CSMD1: variants seen among roughly 807,000 people sequenced by gnomAD.
CSMD1 encodes CUB and Sushi multiple domains 1.
A neutral mutation model predicts 417.5 loss-of-function variants in CSMD1; 213 were observed. The observed-to-expected ratio is 0.51, with a 90% CI of 0.46 to 0.57. The LOEUF is 0.57. Ranked by LOEUF, CSMD1 falls within the 20% of genes least tolerant of loss-of-function variation. CSMD1 has a pLI of 0.00. For missense variants in CSMD1, 6,923 were observed against 4,529.7 expected (o/e 1.53, Z -15.17); for synonymous variants, 2,862 against 1,736.8 (o/e 1.65, Z -16.11).
chr8:3,369,461 A>G, intron 18 of CSMD1, 91 bp from the exon 19 acceptor site: 1 of 661,248 alleles, frequency 1.5e-6, no homozygotes, highest in Non-Finnish European at 2.7e-6. Context: ...CAATTTGCAC[A>G]AGGATTAACA....
chr8:3,285,753 C>G (rs1171205770), intron 25 of CSMD1, among the ~76,000 whole-genome samples: 4 of 151,860 alleles, frequency 2.6e-5, no homozygotes, highest in Non-Finnish European at 4.4e-5. Flanking sequence ...TTTGCCTCCA[C>G]TCCACCAAAT....
chr8:4,990,097 C>T (rs1242788361), intron 1 of CSMD1, among the ~76,000 whole-genome samples: 1 of 152,128 alleles, frequency 6.6e-6, no homozygotes, highest in Non-Finnish European at 1.5e-5. Context: ...GGGAATTCTA[C>T]CACCCTGCAC....
chr8:4,111,165 AG>A (rs1490269656), intron 3 of CSMD1, among the ~76,000 whole-genome samples: 1 of 152,146 alleles, frequency 6.6e-6, no homozygotes, highest in African/African-American at 2.4e-5. Context: ...CGGACAGAAA[AG>A]TTTCCCTGTT....
chr8:4,661,695 G>C (rs1049921577), intron 1 of CSMD1, among the ~76,000 whole-genome samples: 4 of 152,146 alleles, frequency 2.6e-5, no homozygotes, highest in Non-Finnish European at 5.9e-5. Flanking sequence ...TCATGGGAAT[G>C]TAAAAAAGTC....
chr8:4,238,491 T>A, intron 3 of CSMD1, among the ~76,000 whole-genome samples: 1 of 152,242 alleles, frequency 6.6e-6, no homozygotes, highest in Non-Finnish European at 1.5e-5. Flanking sequence ...AGGAGGCACA[T>A]TAAGAGGTGA....
chr8:4,336,928 A>T (rs922405639), intron 3 of CSMD1, among the ~76,000 whole-genome samples: 3 of 152,124 alleles, frequency 2.0e-5, no homozygotes, highest in Non-Finnish European at 4.4e-5. Context: ...AACAATACAG[A>T]AATTCTGTAG....
In CSMD1 at chr8:3,018,580, G is replaced by A. The variant is rs1360358662; in HGVS notation, c.7926C>T (p.Ala2642=). 2 of 1,613,144 alleles carry A rather than the reference G, an allele frequency of 1.2e-6. No individual in the cohort carries two copies. Among genetic ancestry groups the A allele is most frequent in the Non-Finnish European group, 1.7e-6 (2 of 1,179,720 alleles). Residue 2642 remains alanine (A), a synonymous_variant, in exon 52 of 70, where the codon GCC becomes GCT. Coordinates refer to ENST00000635120, the MANE Select transcript of CSMD1 (RefSeq NM_033225.6). ...CGGTGTTGCACGTAAATATAGCTGTGGCCCCATAAACTGTCAACGTTCCAA... is the reference window on the plus strand; with the variant it reads ...CGGTGTTGCACGTAAATATAGCTGTAGCCCCATAAACTGTCAACGTTCCAA... ...NKIGTLTVYG[A]TAIFTCNTGY...
chr8:3,578,762 C>G (rs77503331), intron 9 of CSMD1, among the ~76,000 whole-genome samples: 1 of 152,170 alleles, frequency 6.6e-6, no homozygotes. Context: ...TTCATAGCAT[C>G]CCTGGAGGCA....
intron 2 of CSMD1, among the ~76,000 whole-genome samples, chr8:4,435,559 T>C (rs533904549): frequency 6.6e-6 from 1 of 152,182 alleles, no homozygotes; most frequent in Non-Finnish European, 1.5e-5. Context: ...CATTTTCCTA[T>C]GGCTGTCATG....
At chr8:3,595,363 G>T (rs1364227772) in intron 8 of CSMD1, among the ~76,000 whole-genome samples, 1 of 152,152 alleles carries the variant, frequency 6.6e-6, no homozygotes, top group African/African-American at 2.4e-5. Flanking sequence ...TTACCCGTTT[G>T]ACTTTCACAC....
At chr8:3,341,861 T>A (rs571702621) in intron 23 of CSMD1, among the ~76,000 whole-genome samples, 1 of 152,136 alleles carries the variant, frequency 6.6e-6, no homozygotes, top group African/African-American at 2.4e-5. Context: ...GAAGCGGGGA[T>A]GAAGACATCC....
chr8:3,664,169 C>G (rs373190468), intron 7 of CSMD1, among the ~76,000 whole-genome samples: 1 of 152,116 alleles, frequency 6.6e-6, no homozygotes, highest in Admixed American at 6.5e-5. Context: ...TCCCCTAATA[C>G]TATCCCTACC....
At chr8:3,228,204 C>A (rs532510996) in intron 27 of CSMD1, among the ~76,000 whole-genome samples, 1 of 152,000 alleles carries the variant, frequency 6.6e-6, no homozygotes, top group African/African-American at 2.4e-5. Flanking sequence ...TATAAAATGT[C>A]TTCAGTAAAA....
chr8:3,124,047 G>C (rs1280813641), intron 41 of CSMD1, among the ~76,000 whole-genome samples: 3 of 152,096 alleles, frequency 2.0e-5, no homozygotes, highest in Non-Finnish European at 4.4e-5. Context: ...AAGATTCTAA[G>C]CCCAATGGCT....
chr8:4,931,545 G>A (rs548904514), intron 1 of CSMD1, among the ~76,000 whole-genome samples: 1 of 151,058 alleles, frequency 6.6e-6, no homozygotes, highest in African/African-American at 2.4e-5. Context: ...CTGCCTTGGA[G>A]GATCACCCAG....
Position 3,107,311 on chromosome 8 carries a change from G to C in CSMD1, c.6835+407C>G, listed in dbSNP as rs145950744. Among the ~76,000 whole-genome samples the C allele has an allele frequency of 3.9e-3, 588 of 152,276 alleles. 1 individual carries two copies. The highest frequency in any genetic ancestry group is 6.5e-3 in the Non-Finnish European group (443 of 68,026). ...ATCCCAGTTTCAATGAAATGTCACT[G>C]TTATGTAATCATCCTTTCAGCCGCA... On this transcript the variant is annotated intron_variant, in intron 45 of 69. Coordinates refer to ENST00000635120, the MANE Select transcript of CSMD1 (RefSeq NM_033225.6).
intron 1 of CSMD1, among the ~76,000 whole-genome samples, chr8:4,781,953 A>G (rs1038646739): frequency 4.6e-5 from 7 of 152,184 alleles, no homozygotes; most frequent in African/African-American, 1.7e-4. Context: ...AAAATATACA[A>G]ATGACAATAA....
At position 4,756,222 on chromosome 8, in the gene CSMD1, G is replaced by A. The variant is rs144812073; in HGVS notation, c.86-118664C>T. On this transcript the variant is annotated intron_variant, in intron 1 of 69. Coordinates refer to ENST00000635120, the MANE Select transcript of CSMD1 (RefSeq NM_033225.6). ...TATTTAACATCTAGCATAATATAGG[G>A]CATCATGATGATGAAATGGGTTATA... Among the ~76,000 whole-genome samples the A allele has an allele frequency of 4.0e-3, 611 of 152,224 alleles. 3 individuals are homozygous for A. The highest frequency in any genetic ancestry group is 9.4e-3 in the Admixed American group (144 of 15,294).
chr8:4,045,909 C>T (rs960133298), intron 3 of CSMD1, among the ~76,000 whole-genome samples: 1 of 151,896 alleles, frequency 6.6e-6, no homozygotes, highest in African/African-American at 2.4e-5. Context: ...TGAACACACA[C>T]AGGTATTACA....
Sources: gnomAD v4.1 joint callset for allele counts (sites outside exome capture counted in the v4.1 genomes callset) on GRCh38, gnomAD v4.1.1 for gene constraint, MANE v1.5 for transcripts, NCBI Gene and HGNC (gene_info 2026-07-23, HGNC 2026-07-21) for gene names.